CACNA2D1: variants seen among roughly 807,000 people sequenced by gnomAD.
CACNA2D1 encodes the protein calcium voltage-gated channel auxiliary subunit alpha2delta 1, also known as voltage-dependent calcium channel subunit alpha-2/delta-1.
CACNA2D1 carries 53 observed loss-of-function variants against 171.5 expected under a neutral mutation model. That is an observed-to-expected ratio of 0.31 (90% CI 0.25 to 0.39). CACNA2D1 has a LOEUF of 0.39. CACNA2D1 is among the 10% of genes least tolerant of loss of function. CACNA2D1 has a pLI of 1.00. For synonymous variants in CACNA2D1, 442 were observed against 443.1 expected (o/e 1.00, Z 0.03); for missense variants, 903 against 1,299.8 (o/e 0.69, Z 4.69).
intron 1 of CACNA2D1, among the ~76,000 whole-genome samples, chr7:82,394,886 A>T (rs1360640546): frequency 1.3e-5 from 2 of 152,200 alleles, no homozygotes; most frequent in Non-Finnish European, 2.9e-5. Flanking sequence ...ACTCTTAGAT[A>T]CAAATGTGCT....
chr7:82,011,862 A>T (rs1799817790), intron 15 of CACNA2D1, among the ~76,000 whole-genome samples: 2 of 152,026 alleles, frequency 1.3e-5, no homozygotes, highest in Admixed American at 6.6e-5. Flanking sequence ...ATTAACAATT[A>T]AAAAACTTAT....
intron 3 of CACNA2D1, among the ~76,000 whole-genome samples, chr7:82,244,941 T>C (rs1804729606): frequency 6.6e-6 from 1 of 152,188 alleles, no homozygotes; most frequent in African/African-American, 2.4e-5. Flanking sequence ...ACTAGTATTA[T>C]TTTAAAATGC....
At chr7:82,335,316 T>G in intron 2 of CACNA2D1, 65 bp from the exon 3 acceptor site, 1 of 910,924 alleles carries the variant, frequency 1.1e-6, no homozygotes, top group Non-Finnish European at 1.8e-6. Context: ...AAGTTCCCAT[T>G]GGAATGTATT....
intron 5 of CACNA2D1, among the ~76,000 whole-genome samples, chr7:82,131,460 C>T (rs1328207052): frequency 1.3e-5 from 2 of 152,184 alleles, no homozygotes; most frequent in Non-Finnish European, 2.9e-5. Context: ...GGGTGGGGCT[C>T]TGTCCTAATT....
intron 11 of CACNA2D1, among the ~76,000 whole-genome samples, chr7:82,037,586 C>T (rs1427036538): frequency 6.6e-6 from 1 of 152,080 alleles, no homozygotes; most frequent in African/African-American, 2.4e-5. Context: ...AGAAAGAATT[C>T]CTGCTCCGGG....
chr7:82,413,303 T>A (rs527633347), intron 1 of CACNA2D1, among the ~76,000 whole-genome samples: 1 of 152,206 alleles, frequency 6.6e-6, no homozygotes, highest in East Asian at 1.9e-4. Flanking sequence ...GAAAATGGGT[T>A]ATCAGCAAGT....
chr7:81,959,487 T>C (rs2130177618), intron 37 of CACNA2D1, 130 bp from the exon 38 acceptor site: 1 of 779,006 alleles, frequency 1.3e-6, no homozygotes, highest in East Asian at 2.6e-5. Flanking sequence ...CCAACACAAT[T>C]CAAGTACATA....
intron 10 of CACNA2D1, among the ~76,000 whole-genome samples, chr7:82,049,567 G>A (rs1804962900): frequency 6.6e-6 from 1 of 152,094 alleles, no homozygotes; most frequent in East Asian, 1.9e-4. Context: ...ATGACGCAAA[G>A]CCCGCCAGTT....
intron 18 of CACNA2D1, 104 bp from the exon 19 acceptor site, chr7:81,997,354 G>T: frequency 1.4e-6 from 1 of 712,994 alleles, no homozygotes; most frequent in South Asian, 1.4e-5. Context: ...AAATTACCTA[G>T]GATACAATAA....
At position 82,322,125 on chromosome 7, in the gene CACNA2D1, C is replaced by CAAAA. The variant is rs71093373; in HGVS notation, c.294+13006_294+13009dup. On this transcript the variant is annotated intron_variant, in intron 3 of 38. Transcript: ENST00000356860. Reference sequence around the variant, plus strand: ...TGGGTGACAGAGCGAGACTCCGTCTCAAAAAAAAAAAAAAAAAAAAAAAAA... The same window carrying CAAAA: ...TGGGTGACAGAGCGAGACTCCGTCTCAAAAAAAAAAAAAAAAAAAAAAAAAAAAA... Among the ~76,000 whole-genome samples, 43 of 43,636 alleles carry CAAAA rather than the reference C, an allele frequency of 9.9e-4. 2 individuals carry two copies. The highest frequency in any genetic ancestry group is 1.7e-3 in the African/African-American group (21 of 12,266). 28.6% of individuals were successfully genotyped at this position (43,636 alleles called of 152,430 possible).
At chr7:82,374,129 A>G (rs1247990769) in intron 1 of CACNA2D1, among the ~76,000 whole-genome samples, 1 of 152,186 alleles carries the variant, frequency 6.6e-6, no homozygotes, top group Non-Finnish European at 1.5e-5. Flanking sequence ...GGAACATTAC[A>G]CTTCCTCTCC....
intron 1 of CACNA2D1, among the ~76,000 whole-genome samples, chr7:82,388,822 T>A (rs1372989290): frequency 6.6e-6 from 1 of 152,010 alleles, no homozygotes; most frequent in Non-Finnish European, 1.5e-5. Flanking sequence ...TTAAAACACA[T>A]ATATTAAGGT....
rs148578022 is a variant in CACNA2D1 at position 81,959,478 on chromosome 7, C to G, written c.3077-121G>C. The G allele has an allele frequency of 2.5e-3, 1,977 of 783,946 alleles. 61 individuals carry two copies. The Admixed American group carries it at 0.037, about 15-fold the overall frequency. The allele number at this position is 783,946 out of a possible 1,614,324, so 48.6% of individuals were successfully genotyped here. On this transcript the variant is annotated intron_variant, in intron 37 of 38. Coordinates refer to ENST00000356860, the MANE Select transcript of CACNA2D1 (RefSeq NM_000722.4). ...TAACTTATACATCATTACTCTCATCCAACACAATTCAAGTACATAGGGATT... is the reference window on the plus strand; with the variant it reads ...TAACTTATACATCATTACTCTCATCGAACACAATTCAAGTACATAGGGATT...
chr7:82,229,684 T>A (rs1001309171), intron 3 of CACNA2D1, among the ~76,000 whole-genome samples: 6 of 138,152 alleles, frequency 4.3e-5, no homozygotes, highest in Admixed American at 1.6e-4. Context: ...TTACTTTTTT[T>A]ATTTTTATTT....
intron 3 of CACNA2D1, among the ~76,000 whole-genome samples, chr7:82,285,243 T>G (rs180950573): frequency 1.3e-5 from 2 of 152,236 alleles, no homozygotes; most frequent in African/African-American, 4.8e-5. Context: ...CGCTCTTGCA[T>G]TCCTGTTCAA....
At chr7:82,216,891 C>CAAAAA (rs56161307) in intron 3 of CACNA2D1, among the ~76,000 whole-genome samples, 2 of 130,320 alleles carry the variant, frequency 1.5e-5, no homozygotes, top group Non-Finnish European at 1.6e-5. Flanking sequence ...AGCCTAAATC[C>CAAAAA]AAAAAAAAAA....
intron 12 of CACNA2D1, among the ~76,000 whole-genome samples, chr7:82,015,586 T>G (rs888661599): frequency 6.6e-6 from 1 of 152,308 alleles, no homozygotes; most frequent in South Asian, 2.1e-4. Context: ...TTTACTAATT[T>G]AGTAATCTAA....
intron 4 of CACNA2D1, among the ~76,000 whole-genome samples, chr7:82,157,313 G>A (rs1217944906): frequency 6.6e-6 from 1 of 152,002 alleles, no homozygotes. Flanking sequence ...TTTCTACAAC[G>A]TTCTCTTCAT....
In CACNA2D1 at chr7:82,282,705, G is replaced by C. The variant is rs564254685; in HGVS notation, c.294+52430C>G. On this transcript the variant is annotated intron_variant, in intron 3 of 38. Coordinates refer to ENST00000356860, the MANE Select transcript of CACNA2D1 (RefSeq NM_000722.4). ...TTGTGTAAATAAAATTGTAAAATGT[G>C]GGGGGGGGAATCACAGAGGGTTATC... Among the ~76,000 whole-genome samples, 131 of 121,954 alleles carry C rather than the reference G, an allele frequency of 1.1e-3. 3 individuals carry two copies. The South Asian group carries it at 0.032, about 30-fold the overall frequency. The allele number at this position is 121,954 out of a possible 152,430, so 80.0% of individuals were successfully genotyped here.
Sources: gnomAD v4.1 joint callset for allele counts (sites outside exome capture counted in the v4.1 genomes callset) on GRCh38, gnomAD v4.1.1 for gene constraint, MANE v1.5 for transcripts, NCBI Gene and HGNC (gene_info 2026-07-23, HGNC 2026-07-21) for gene names.